Variants in F13A1 observed in about 807,000 individuals in gnomAD.
F13A1 encodes FSF, A subunit.
Under a neutral mutation model 80.1 loss-of-function variants are expected in F13A1, and 47 were observed. That is an observed-to-expected ratio of 0.59 (90% CI 0.46 to 0.75). The LOEUF is 0.75. Ranked by LOEUF, F13A1 falls within the 30% of genes least tolerant of loss-of-function variation. F13A1 has a pLI of 0.00. For synonymous variants in F13A1, 349 were observed against 344.9 expected (o/e 1.01, Z -0.13); for missense variants, 817 against 930.4 (o/e 0.88, Z 1.59).
chr6:6,187,135 G>A (rs1761093460), intron 10 of F13A1, among the ~76,000 whole-genome samples: 1 of 124,828 alleles, frequency 8.0e-6, no homozygotes, highest in South Asian at 2.7e-4. Context: ...CTGAGACAAT[G>A]GGGTTTTCTA....
At chr6:6,302,703 T>TA (rs3024348) in intron 3 of F13A1, among the ~76,000 whole-genome samples, 60,047 of 151,794 alleles carry the variant, frequency 0.4, 16,696 homozygotes, top group African/African-American at 0.79. Context: ...ACAGTACATT[T>TA]AAAAAAATAA....
intron 10 of F13A1, among the ~76,000 whole-genome samples, chr6:6,185,540 A>G (rs1761065743): frequency 1.3e-5 from 2 of 151,914 alleles, no homozygotes; most frequent in African/African-American, 4.8e-5. Flanking sequence ...GTCCCTACAA[A>G]GGACATGAAC....
chr6:6,272,166 A>C (rs1232535791), intron 3 of F13A1, among the ~76,000 whole-genome samples: 1 of 152,206 alleles, frequency 6.6e-6, no homozygotes, highest in Non-Finnish European at 1.5e-5. Flanking sequence ...GGTAGTGCCC[A>C]CTAGAAGAAT....
intron 8 of F13A1, among the ~76,000 whole-genome samples, chr6:6,215,675 G>T (rs1325604414): frequency 6.0e-5 from 9 of 150,072 alleles, no homozygotes; most frequent in African/African-American, 1.7e-4. Context: ...GGAAGTTCTG[G>T]CCAGGGCAAT....
intron 2 of F13A1, among the ~76,000 whole-genome samples, chr6:6,313,475 T>G (rs1215927599): frequency 6.6e-6 from 1 of 152,110 alleles, no homozygotes; most frequent in East Asian, 1.9e-4. Flanking sequence ...TTGTCTAATA[T>G]GAACAAAATG....
At chr6:6,211,572 T>A (rs1182924560) in intron 8 of F13A1, among the ~76,000 whole-genome samples, 1 of 152,020 alleles carries the variant, frequency 6.6e-6, no homozygotes, top group East Asian at 1.9e-4. Context: ...TTGCAGACAG[T>A]GATTAAAATT....
chr6:6,211,357 T>C (rs998223946), intron 8 of F13A1, among the ~76,000 whole-genome samples: 2 of 152,230 alleles, frequency 1.3e-5, no homozygotes, highest in Admixed American at 1.3e-4. Flanking sequence ...TCCAGGTGAT[T>C]TTCCTAAAAC....
intron 13 of F13A1, among the ~76,000 whole-genome samples, chr6:6,152,867 A>G (rs13203312): frequency 0.21 from 32,682 of 152,148 alleles, 3,605 homozygotes; most frequent in Middle Eastern, 0.28. Context: ...ATACCAAATG[A>G]ATGGATCTGT....
At chr6:6,232,287 G>A (rs186778756) in intron 6 of F13A1, among the ~76,000 whole-genome samples, 84 of 152,204 alleles carry the variant, frequency 5.5e-4, no homozygotes, top group African/African-American at 1.8e-3. Flanking sequence ...CACCAAAAGC[G>A]AGCAGGGGTA....
At chr6:6,215,162 C>A (rs1761699987) in intron 8 of F13A1, among the ~76,000 whole-genome samples, 1 of 131,030 alleles carries the variant, frequency 7.6e-6, no homozygotes, top group Non-Finnish European at 1.7e-5. Flanking sequence ...AAGAGGGAAT[C>A]CTCCCTAACT....
intron 3 of F13A1, among the ~76,000 whole-genome samples, chr6:6,301,796 C>T (rs1392521253): frequency 6.6e-6 from 1 of 152,204 alleles, no homozygotes; most frequent in Non-Finnish European, 1.5e-5. Flanking sequence ...GAACCAATTA[C>T]ACCAAGGCTG....
chr6:6,185,341 A>C (rs1285705341), intron 10 of F13A1, among the ~76,000 whole-genome samples: 1 of 130,254 alleles, frequency 7.7e-6, no homozygotes, highest in Non-Finnish European at 1.5e-5. Context: ...TGTCCATGTG[A>C]TCTCATTGTT....
Position 6,151,797 on chromosome 6 carries a change from C to T in F13A1, c.2045+16G>A. ...GCCCTGCACTGCCTGCCCGGTCTCC[C>T]CAACCCAAGGTTTACCGGAACATCT... On this transcript the variant is annotated intron_variant, in intron 14 of 14. Coordinates refer to ENST00000264870, the MANE Select transcript of F13A1 (RefSeq NM_000129.4). 1.2e-6 allele frequency: 2 copies of T among 1,613,982 alleles called. No homozygotes were observed. The highest frequency in any genetic ancestry group is 1.7e-6 in the Non-Finnish European group (2 of 1,179,910).
intron 1 of F13A1, among the ~76,000 whole-genome samples, chr6:6,320,125 C>G (rs1561691128): frequency 6.6e-6 from 1 of 152,000 alleles, no homozygotes; most frequent in Non-Finnish European, 1.5e-5. Flanking sequence ...AGAAGTGGCT[C>G]GAGTTCAGCT....
intron 1 of F13A1, among the ~76,000 whole-genome samples, chr6:6,319,675 A>G (rs1758743306): frequency 6.6e-6 from 1 of 152,188 alleles, no homozygotes; most frequent in African/African-American, 2.4e-5. Context: ...CACACCCCCA[A>G]GAGGTGAAGA....
At chr6:6,172,104 G>A (rs1760785543) in intron 12 of F13A1, among the ~76,000 whole-genome samples, 1 of 152,200 alleles carries the variant, frequency 6.6e-6, no homozygotes. Flanking sequence ...GCATAAAACA[G>A]AACCTGGACT....
intron 14 of F13A1, among the ~76,000 whole-genome samples, chr6:6,146,776 T>C (rs978429054): frequency 2.6e-5 from 4 of 152,214 alleles, no homozygotes; most frequent in Admixed American, 2.0e-4. Flanking sequence ...ATTCATACTC[T>C]TTCTGCTCCT....
At chr6:6,148,853 A>G (rs2151067530) in intron 14 of F13A1, among the ~76,000 whole-genome samples, 1 of 152,296 alleles carries the variant, frequency 6.6e-6, no homozygotes, top group South Asian at 2.1e-4. Context: ...GGGTTTCTGT[A>G]ACTATTCAGC....
intron 8 of F13A1, among the ~76,000 whole-genome samples, 166 bp downstream of exon 8, chr6:6,221,867 T>A (rs1017825306): frequency 3.9e-5 from 6 of 152,256 alleles, no homozygotes; most frequent in African/African-American, 1.4e-4. Context: ...TTCAGTAACA[T>A]TTCTAATCAT....
Sources: allele counts gnomAD v4.1 joint callset (sites outside exome capture counted in the v4.1 genomes callset), GRCh38; gene constraint gnomAD v4.1.1; transcripts MANE v1.5; gene names NCBI Gene and HGNC (gene_info 2026-07-23, HGNC 2026-07-21).